The following STAU2 variants were observed in gnomAD, a reference collection of about 807,000 sequenced individuals.
STAU2 encodes staufen double-stranded RNA binding protein 2.
Under a neutral mutation model 65.9 loss-of-function variants are expected in STAU2, and 20 were observed. The ratio of observed to expected loss-of-function variants is 0.30; its 90% CI spans 0.21 to 0.44. STAU2 has a LOEUF of 0.44. Ranked by LOEUF, STAU2 falls within the 20% of genes least tolerant of loss-of-function variation. The pLI, the probability that STAU2 is intolerant of heterozygous loss-of-function variation, is 1.00. For synonymous variants in STAU2, 232 were observed against 233.9 expected (o/e 0.99, Z 0.07); for missense variants, 558 against 683.9 (o/e 0.82, Z 2.05).
At chr8:73,673,729 A>G (rs1004994155) in intron 5 of STAU2, among the ~76,000 whole-genome samples, 1 of 152,158 alleles carries the variant, frequency 6.6e-6, no homozygotes, top group Non-Finnish European at 1.5e-5. Flanking sequence ...TCTATAACCA[A>G]CAAAACAGAG....
In STAU2 at chr8:73,603,908, C is replaced by A. The variant is rs551302554; in HGVS notation, c.892-45G>T. 25 of 1,557,164 alleles carry A rather than the reference C, an allele frequency of 1.6e-5. No homozygotes were observed. The African/African-American group carries it at 2.6e-4, about 16-fold the overall frequency. On this transcript the variant is annotated intron_variant, in intron 9 of 14. Transcript: ENST00000524300. ...AAAGTTTTAAAATATGCTTGTGAAA[C>A]CTGTTATTGAATCCTTAAAGAAACA... is the stretch of plus-strand genomic sequence containing the variant.
chr8:73,625,997 C>T (rs1209624856), intron 6 of STAU2, among the ~76,000 whole-genome samples: 1 of 152,048 alleles, frequency 6.6e-6, no homozygotes, highest in Non-Finnish European at 1.5e-5. Flanking sequence ...TAAAGGCCTA[C>T]TTCATGCTGG....
intron 4 of STAU2, among the ~76,000 whole-genome samples, chr8:73,707,638 G>C (rs1467638558): frequency 1.3e-5 from 2 of 152,104 alleles, no homozygotes; most frequent in East Asian, 3.9e-4. Context: ...ACTCAAAACT[G>C]GGGGACTGTC....
intron 13 of STAU2, among the ~76,000 whole-genome samples, chr8:73,465,919 G>A (rs770250054): frequency 1.8e-4 from 27 of 152,174 alleles, no homozygotes; most frequent in Non-Finnish European, 3.5e-4. Flanking sequence ...GGGTTCAAGC[G>A]TTTCTCCTGT....
chr8:73,540,689 A>G (rs1375809121), intron 13 of STAU2, among the ~76,000 whole-genome samples: 2 of 152,218 alleles, frequency 1.3e-5, no homozygotes, highest in East Asian at 1.9e-4. Flanking sequence ...TCTTTTGCAG[A>G]TATCAAAGTA....
At position 73,479,472 on chromosome 8, in the gene STAU2, G is replaced by GCACACACA. The variant is rs5892420; in HGVS notation, c.1531-56778_1531-56771dup. Among the ~76,000 whole-genome samples, 488 of 139,828 alleles carry GCACACACA rather than the reference G, an allele frequency of 3.5e-3. 2 individuals carry two copies. The highest frequency in any genetic ancestry group is 0.025 in the South Asian group (98 of 3,956). The allele number at this position is 139,828 out of a possible 152,430, so 91.7% of individuals were successfully genotyped here. A position where few individuals can be genotyped will look rare whatever the true frequency, so the allele number is the denominator to read the frequency against. ...TCTCTTCCTGCTTTCTCCCTATTCT[G>GCACACACA]CACACACACACACACACACACACAC... On this transcript the variant is annotated intron_variant, in intron 13 of 14. Coordinates refer to ENST00000524300, the MANE Select transcript of STAU2 (RefSeq NM_001164380.2).
At chr8:73,746,360 A>C (rs1295459101) in intron 1 of STAU2, among the ~76,000 whole-genome samples, 2 of 149,518 alleles carry the variant, frequency 1.3e-5, no homozygotes, top group African/African-American at 5.0e-5. Flanking sequence ...CCGTGGCTGC[A>C]CTCGCCGTCC....
At chr8:73,714,582 A>T (rs1041075527) in intron 3 of STAU2, among the ~76,000 whole-genome samples, 1 of 152,184 alleles carries the variant, frequency 6.6e-6, no homozygotes, top group Non-Finnish European at 1.5e-5. Flanking sequence ...ACAAAAACTA[A>T]CGGAAATTAG....
intron 13 of STAU2, among the ~76,000 whole-genome samples, chr8:73,546,123 C>CTTTTTTTTTGTTTTTT (rs1806907083): frequency 1.1e-5 from 1 of 93,290 alleles, no homozygotes; most frequent in African/African-American, 4.2e-5. Context: ...GTTTGGTTTT[C>CTTTTTTTTTGTTTTTT]TTTTTTTTTT....
At chr8:73,424,434 C>T (rs1003497158) in intron 13 of STAU2, among the ~76,000 whole-genome samples, 5 of 152,016 alleles carry the variant, frequency 3.3e-5, no homozygotes, top group Admixed American at 2.0e-4. Context: ...CTCCTGACCT[C>T]GGGTGATCCA....
chr8:73,509,664 C>G (rs1033357615), intron 13 of STAU2, among the ~76,000 whole-genome samples: 2 of 151,692 alleles, frequency 1.3e-5, no homozygotes, highest in Non-Finnish European at 2.9e-5. Flanking sequence ...TCGTAACTTT[C>G]TTTTTTTAAG....
intron 6 of STAU2, among the ~76,000 whole-genome samples, chr8:73,621,995 T>C (rs1813281636): frequency 6.7e-6 from 1 of 149,694 alleles, no homozygotes; most frequent in Non-Finnish European, 1.5e-5. Context: ...CTCGCTCTGC[T>C]GCCCAGGCTA....
intron 3 of STAU2, chr8:73,727,967 T>C (rs980597243): frequency 3.3e-5 from 5 of 152,244 alleles, no homozygotes; most frequent in African/African-American, 1.2e-4. Flanking sequence ...TGATCACTAA[T>C]GATGTTGAGT....
intron 13 of STAU2, among the ~76,000 whole-genome samples, chr8:73,497,791 C>G (rs1357271584): frequency 1.6e-5 from 2 of 122,446 alleles, no homozygotes. Flanking sequence ...TCTTCCCCCT[C>G]AAATTTATAA....
chr8:73,558,646 A>G (rs933881513), intron 12 of STAU2, among the ~76,000 whole-genome samples: 1 of 152,238 alleles, frequency 6.6e-6, no homozygotes, highest in African/African-American at 2.4e-5. Flanking sequence ...AGCAAGTGGT[A>G]TCAGAGGTAT....
At chr8:73,683,649 G>C (rs1021683097) in intron 5 of STAU2, among the ~76,000 whole-genome samples, 1 of 152,092 alleles carries the variant, frequency 6.6e-6, no homozygotes, top group African/African-American at 2.4e-5. Context: ...CATCCAAATC[G>C]ATAAAGAGGA....
At chr8:73,473,159 C>A (rs1431167589) in intron 13 of STAU2, among the ~76,000 whole-genome samples, 1 of 152,066 alleles carries the variant, frequency 6.6e-6, no homozygotes. Context: ...GCCGAGCAGT[C>A]AATGAGGAGA....
chr8:73,438,846 G>A (rs1166550646), intron 13 of STAU2: 1 of 421,002 alleles, frequency 2.4e-6, no homozygotes, highest in East Asian at 7.1e-5. Context: ...ACGTGAGAAG[G>A]GCTATCAGAG....
chr8:73,587,535 C>CGG (rs1810461266), intron 11 of STAU2, among the ~76,000 whole-genome samples: 1 of 151,900 alleles, frequency 6.6e-6, no homozygotes, highest in Non-Finnish European at 1.5e-5. Context: ...GTAGGGTGTA[C>CGG]GTTGGGAAAG....
Sources: gnomAD v4.1 joint callset for allele counts (sites outside exome capture counted in the v4.1 genomes callset) on GRCh38, gnomAD v4.1.1 for gene constraint, MANE v1.5 for transcripts, NCBI Gene and HGNC (gene_info 2026-07-23, HGNC 2026-07-21) for gene names.